Variants in DGKB observed in about 807,000 individuals in gnomAD.
DGKB encodes the protein diacylglycerol kinase beta.
In DGKB, 67 loss-of-function variants were observed where a neutral mutation model predicts 114.3. That is an observed-to-expected ratio of 0.59 (90% CI 0.48 to 0.72). The LOEUF (loss-of-function observed/expected upper bound fraction) is 0.72. Among genes scored for constraint, DGKB ranks in the 30% least tolerant of loss-of-function variants. The pLI is 0.00. For missense variants in DGKB, 907 were observed against 975.2 expected (o/e 0.93, Z 0.93); for synonymous variants, 398 against 323.1 (o/e 1.23, Z -2.49).
At chr7:14,834,333 T>C (rs549081374) in intron 2 of DGKB, among the ~76,000 whole-genome samples, 1 of 152,248 alleles carries the variant, frequency 6.6e-6, no homozygotes, top group Admixed American at 6.5e-5. Context: ...AGGTAAATGG[T>C]AGGTTCTATT....
intron 21 of DGKB, among the ~76,000 whole-genome samples, chr7:14,428,064 A>G (rs548293759): frequency 2.6e-5 from 4 of 152,202 alleles, no homozygotes; most frequent in East Asian, 1.9e-4. Flanking sequence ...TTTATTGAAT[A>G]TTCAATAAAA....
intron 9 of DGKB, among the ~76,000 whole-genome samples, chr7:14,685,979 T>C (rs1035246144): frequency 6.6e-6 from 1 of 152,198 alleles, no homozygotes; most frequent in Non-Finnish European, 1.5e-5. Flanking sequence ...TAGTATATTT[T>C]AAAAGGCAAA....
chr7:14,963,607 G>C (rs1786984705), intron 1 of DGKB, among the ~76,000 whole-genome samples: 1 of 152,166 alleles, frequency 6.6e-6, no homozygotes. Context: ...ATGGTCGTCT[G>C]CCTGTTGAGA....
rs549109561 is a variant in DGKB, at chr7:14,179,774, C to T, written c.2123-1623G>A. ...AATAATAAAAATCTATTATTTTTAA[C>T]TTTAAGCTGTAGCTGTAGCACCGGA... is the stretch of plus-strand genomic sequence containing the variant. On this transcript the variant is annotated intron_variant, in intron 23 of 25. Transcript: ENST00000402815. 2.0e-5 allele frequency among the ~76,000 whole-genome samples: 3 copies of T among 152,284 alleles called. No individual in the cohort carries two copies. The East Asian group carries it at 5.8e-4, about 29-fold the overall frequency.
intron 21 of DGKB, among the ~76,000 whole-genome samples, chr7:14,471,530 C>G (rs892241571): frequency 6.7e-6 from 1 of 150,162 alleles, no homozygotes; most frequent in African/African-American, 2.4e-5. Flanking sequence ...GAAGCACAAA[C>G]TAATCTATAA....
Position 14,971,906 on chromosome 7 carries a change from G to A in DGKB, c.-188+2790C>T, listed in dbSNP as rs543576984. 2.4e-4 allele frequency among the ~76,000 whole-genome samples: 36 copies of A among 151,902 alleles called. No individual in the cohort carries two copies. The South Asian group carries it at 5.0e-3, about 21-fold the overall frequency. On this transcript the variant is annotated intron_variant, in intron 1 of 4. Coordinates refer to the DGKB transcript ENST00000437998. ...GCATCCTGTGTAGCTGTGATTACCC[G>A]GCTAATTTCTTGTACTTTTAGTAGA...
At chr7:14,280,771 G>A (rs1478990401) in intron 23 of DGKB, among the ~76,000 whole-genome samples, 6 of 146,630 alleles carry the variant, frequency 4.1e-5, no homozygotes, top group Non-Finnish European at 7.6e-5. Context: ...AGCTTCATAA[G>A]TGAAGGAGAA....
At chr7:14,409,359 G>C (rs1232243379) in intron 21 of DGKB, among the ~76,000 whole-genome samples, 3 of 152,076 alleles carry the variant, frequency 2.0e-5, no homozygotes, top group Non-Finnish European at 2.9e-5. Context: ...CACATGAAAT[G>C]CTACTAAGGA....
intron 20 of DGKB, among the ~76,000 whole-genome samples, chr7:14,488,626 C>T (rs1163894303): frequency 1.4e-5 from 2 of 146,150 alleles, no homozygotes; most frequent in Admixed American, 6.9e-5. Context: ...TCGAGACCAA[C>T]ATGGTGAAGC....
intron 12 of DGKB, among the ~76,000 whole-genome samples, chr7:14,679,550 C>T (rs35996576): frequency 0.21 from 31,501 of 151,946 alleles, 4,277 homozygotes; most frequent in Non-Finnish European, 0.3. Context: ...GAAAGCCAAG[C>T]ATCATTCTTT....
intron 13 of DGKB, among the ~76,000 whole-genome samples, chr7:14,648,309 G>C: frequency 6.6e-6 from 1 of 152,198 alleles, no homozygotes; most frequent in Non-Finnish European, 1.5e-5. Context: ...AGAACGGGCA[G>C]ACTGCCTCCT....
chr7:14,236,449 T>C (rs1792799196), intron 23 of DGKB, among the ~76,000 whole-genome samples: 1 of 151,918 alleles, frequency 6.6e-6, no homozygotes. Context: ...AAAGTTATTA[T>C]AATAACACTA....
intron 13 of DGKB, among the ~76,000 whole-genome samples, chr7:14,643,813 G>GGA (rs1812335186): frequency 6.6e-6 from 1 of 152,164 alleles, no homozygotes; most frequent in Non-Finnish European, 1.5e-5. Flanking sequence ...CACTGCCAGT[G>GGA]CCCCAATGTG....
chr7:14,614,989 C>A (rs555691747), intron 15 of DGKB, among the ~76,000 whole-genome samples: 1 of 152,142 alleles, frequency 6.6e-6, no homozygotes, highest in African/African-American at 2.4e-5. Flanking sequence ...CAATGGGTAC[C>A]CCTTCCTCCC....
Position 14,245,827 on chromosome 7 carries a change from T to C in DGKB, c.2123-67676A>G, listed in dbSNP as rs192674089. ...CCTGTAGTCCCAGCTACTCGAGAGG[T>C]TGAGGCAGGAGAATTGCTTGAACCC... is the stretch of plus-strand genomic sequence containing the variant. On this transcript the variant is annotated intron_variant, in intron 23 of 25. Transcript: ENST00000402815. Among the ~76,000 whole-genome samples, 327 of 151,356 alleles carry C rather than the reference T, an allele frequency of 2.2e-3. 1 individual carries two copies. The highest frequency in any genetic ancestry group is 7.6e-3 in the African/African-American group (312 of 41,258).
intron 23 of DGKB, chr7:14,268,774 G>A (rs1272064986): frequency 6.6e-6 from 1 of 152,116 alleles, no homozygotes; most frequent in African/African-American, 2.4e-5. Context: ...GACATTTTAT[G>A]TATCACTTCT....
At chr7:14,534,806 A>C (rs1363002067) in intron 20 of DGKB, among the ~76,000 whole-genome samples, 3 of 152,214 alleles carry the variant, frequency 2.0e-5, no homozygotes, top group Non-Finnish European at 2.9e-5. Context: ...GTCACGAAAC[A>C]AATCTGAAAA....
At chr7:14,769,016 C>A (rs73064768) in intron 2 of DGKB, among the ~76,000 whole-genome samples, 50 of 150,698 alleles carry the variant, frequency 3.3e-4, no homozygotes, top group Non-Finnish European at 5.9e-4. Flanking sequence ...GTATTTCAGA[C>A]ATTCATCTGG....
intron 2 of DGKB, among the ~76,000 whole-genome samples, chr7:14,798,334 C>G (rs1056657573): frequency 2.0e-5 from 3 of 152,144 alleles, no homozygotes; most frequent in Non-Finnish European, 4.4e-5. Flanking sequence ...CTTTGTTAGT[C>G]AGGCATCTTC....
Sources: allele counts gnomAD v4.1 joint callset (sites outside exome capture counted in the v4.1 genomes callset), GRCh38; gene constraint gnomAD v4.1.1; transcripts MANE v1.5; gene names NCBI Gene and HGNC (gene_info 2026-07-23, HGNC 2026-07-21).